The following HIPK2 variants were observed in gnomAD, a reference collection of about 807,000 sequenced individuals.
HIPK2 encodes homeodomain-interacting protein kinase 2.
In HIPK2, 27 loss-of-function variants were observed where a neutral mutation model predicts 113.7. The ratio of observed to expected loss-of-function variants is 0.24; its 90% CI spans 0.17 to 0.33. The LOEUF is 0.33. Ranked by LOEUF, HIPK2 falls within the 10% of genes least tolerant of loss-of-function variation. The pLI, the probability that HIPK2 is intolerant of heterozygous loss-of-function variation, is 1.00. For missense variants in HIPK2, 1,257 were observed against 1,588.0 expected (o/e 0.79, Z 3.54); for synonymous variants, 631 against 642.2 (o/e 0.98, Z 0.26).
intron 1 of HIPK2, among the ~76,000 whole-genome samples, chr7:139,717,729 GT>G (rs57555288): frequency 0.15 from 21,972 of 150,566 alleles, 1,611 homozygotes; most frequent in Non-Finnish European, 0.16. Context: ...ATTTCTTTTT[GT>G]TTTTTTTTGT....
chr7:139,647,926 A>G (rs1275992469), intron 2 of HIPK2, among the ~76,000 whole-genome samples: 1 of 152,202 alleles, frequency 6.6e-6, no homozygotes, highest in Non-Finnish European at 1.5e-5. Flanking sequence ...TCAGCTGTGT[A>G]AGTAGGTCTT....
intron 2 of HIPK2, among the ~76,000 whole-genome samples, chr7:139,634,069 C>T (rs1800718070): frequency 6.6e-6 from 1 of 151,630 alleles, no homozygotes; most frequent in Non-Finnish European, 1.5e-5. Context: ...ATGATTTGCA[C>T]CATTGCACTC....
In HIPK2 at chr7:139,581,111, T is replaced by C. The variant is rs546522444; in HGVS notation, c.2965+2706A>G. ...GGTGCATGCCGGTAGTCCCAGCTAT[T>C]TGGGAGGCTGAGACAGCAGAATTGC... On this transcript the variant is annotated intron_variant, in intron 13 of 14. Transcript: ENST00000406875. Among the ~76,000 whole-genome samples, 13 of 152,170 alleles carry C rather than the reference T, an allele frequency of 8.5e-5. No homozygotes were observed. In the South Asian group the frequency reaches 2.7e-3, roughly 32 times the overall value.
intron 13 of HIPK2, among the ~76,000 whole-genome samples, 200 bp from the exon 14 acceptor site, chr7:139,575,488 G>A (rs561621479): frequency 6.6e-4 from 101 of 152,298 alleles, no homozygotes; most frequent in African/African-American, 2.1e-3. Flanking sequence ...TCACTCCCTC[G>A]GCTGGGAGGG....
intron 2 of HIPK2, among the ~76,000 whole-genome samples, chr7:139,640,532 GGGGGCACCTTGCAGAGGC>G (rs1335946227): frequency 6.6e-6 from 1 of 152,220 alleles, no homozygotes; most frequent in Non-Finnish European, 1.5e-5. Flanking sequence ...AGCATCATAG[GGGGGCACCTTGCAGAGGC>G]CTGGCATAGA....
At chr7:139,601,509 T>C (rs1455218206) in intron 10 of HIPK2, among the ~76,000 whole-genome samples, 5 of 152,260 alleles carry the variant, frequency 3.3e-5, no homozygotes, top group African/African-American at 1.2e-4. Context: ...CTCAGGCATA[T>C]AGCAGCTGAT....
At chr7:139,649,874 C>T (rs989190633) in intron 2 of HIPK2, among the ~76,000 whole-genome samples, 1 of 152,018 alleles carries the variant, frequency 6.6e-6, no homozygotes, top group South Asian at 2.1e-4. Flanking sequence ...CTAGGAATAC[C>T]CCTGGAAGCA....
intron 2 of HIPK2, among the ~76,000 whole-genome samples, chr7:139,666,471 TATC>T (rs1468424047): frequency 6.6e-6 from 1 of 152,220 alleles, no homozygotes; most frequent in Non-Finnish European, 1.5e-5. Flanking sequence ...TACTGGCAAA[TATC>T]ATCTTCTTCC....
chr7:139,629,542 A>G (rs1029294052), intron 4 of HIPK2, among the ~76,000 whole-genome samples: 6 of 152,258 alleles, frequency 3.9e-5, no homozygotes, highest in African/African-American at 1.4e-4. Flanking sequence ...ATGGGGAAAC[A>G]GGAAGAGAAA....
intron 2 of HIPK2, among the ~76,000 whole-genome samples, chr7:139,699,822 C>T (rs1026623276): frequency 3.0e-4 from 45 of 152,358 alleles, no homozygotes; most frequent in Admixed American, 2.5e-3. Flanking sequence ...AATCTGCGCA[C>T]GCCAGGGGTG....
In HIPK2 at chr7:139,613,133, T is replaced by C. The variant is rs1001733463; in HGVS notation, c.2112+69A>G. The stretch of plus-strand genomic sequence containing the variant: ...ACTAGGGAGAGAGGGAGTGGAGATA[T>C]ATATCTTTTGTGAACAACATTAACA... On this transcript the variant is annotated intron_variant, in intron 9 of 14. Transcript: ENST00000406875. This position sits in a 1 kb window ranked among gnomAD's most constrained non-coding sequence, Gnocchi z 4.2. 8.2e-6 allele frequency: 13 copies of C among 1,577,114 alleles called. No individual in the cohort carries two copies. The highest frequency in any genetic ancestry group is 1.1e-5 in the South Asian group (1 of 87,512).
At chr7:139,677,150 C>T (rs1802529818) in intron 2 of HIPK2, among the ~76,000 whole-genome samples, 1 of 151,848 alleles carries the variant, frequency 6.6e-6, no homozygotes, top group African/African-American at 2.4e-5. Context: ...CGTGAGCCAC[C>T]ACGCCCGGCC....
At chr7:139,747,012 C>T (rs11983375) in intron 1 of HIPK2, among the ~76,000 whole-genome samples, 27,057 of 152,162 alleles carry the variant, frequency 0.18, 4,747 homozygotes, top group African/African-American at 0.42. Flanking sequence ...ATACCACGCA[C>T]TGAGCCAAAG....
Position 139,758,056 on chromosome 7 carries a change from TA to T in HIPK2, c.19+19548del, listed in dbSNP as rs1796390551. Among the ~76,000 whole-genome samples the T allele has an allele frequency of 3.3e-5, 5 of 152,296 alleles. No homozygotes were observed. The South Asian group carries it at 1.0e-3, about 32-fold the overall frequency. ...TCTTTGACGGGAAGACTCAACCTTG[TA>T]AAGATGTTAATTCCTCCTAAGAAAT... is the stretch of plus-strand genomic sequence containing the variant. On this transcript the variant is annotated intron_variant, in intron 1 of 14. Coordinates refer to ENST00000406875, the MANE Select transcript of HIPK2 (RefSeq NM_022740.5).
Position 139,728,041 on chromosome 7 carries a change from G to T in HIPK2, c.20-11026C>A, listed in dbSNP as rs1003838061. On this transcript the variant is annotated intron_variant, in intron 1 of 14. Coordinates refer to ENST00000406875, the MANE Select transcript of HIPK2 (RefSeq NM_022740.5). ...TGTAGGCTCAACTTTCTGGGCTCAA[G>T]AGATCCTCCCACCTCAGTCTCCCAA... 2.0e-5 allele frequency among the ~76,000 whole-genome samples: 3 copies of T among 148,458 alleles called. No individual in the cohort carries two copies. In the Admixed American group the frequency reaches 2.1e-4, roughly 10 times the overall value.
At chr7:139,580,603 G>C (rs1342640123) in intron 13 of HIPK2, among the ~76,000 whole-genome samples, 1 of 152,014 alleles carries the variant, frequency 6.6e-6, no homozygotes, top group Non-Finnish European at 1.5e-5. Flanking sequence ...AGCCACAGTG[G>C]CCCTGTCTAC....
intron 1 of HIPK2, among the ~76,000 whole-genome samples, chr7:139,729,486 G>A (rs7457588): frequency 0.024 from 3,628 of 152,294 alleles, 126 homozygotes; most frequent in African/African-American, 0.082. Flanking sequence ...CACCTCAAGA[G>A]TGGCTGGCAG....
rs3813693 is a variant in HIPK2 at position 139,631,342 on chromosome 7, A to G, written c.1228-58T>C. The G allele has an allele frequency of 1.9e-4, 300 of 1,548,216 alleles. 2 individuals carry two copies. In the East Asian group the frequency reaches 7.0e-3, roughly 36 times the overall value. On this transcript the variant is annotated intron_variant, in intron 3 of 14. Transcript: ENST00000406875. The surrounding 1 kb of genome is among the most constrained non-coding windows in gnomAD (Gnocchi z 4.9). Reference sequence around the variant, plus strand: ...TTTCCTGTCACTATACATATGGTATACTAATGGCTCTGCTGGCTTTGAGAA... The same window carrying G: ...TTTCCTGTCACTATACATATGGTATGCTAATGGCTCTGCTGGCTTTGAGAA...
chr7:139,759,055 T>C (rs1283127033), intron 1 of HIPK2, among the ~76,000 whole-genome samples: 3 of 151,952 alleles, frequency 2.0e-5, no homozygotes, highest in Admixed American at 6.6e-5. Flanking sequence ...ATGCAACTCA[T>C]AGCAAAGACT....
Sources: allele counts gnomAD v4.1 joint callset (sites outside exome capture counted in the v4.1 genomes callset), GRCh38; gene constraint gnomAD v4.1.1; non-coding constraint Gnocchi (gnomAD v3.1); transcripts MANE v1.5; gene names NCBI Gene and HGNC (gene_info 2026-07-23, HGNC 2026-07-21).